FSTL4: variants seen among roughly 807,000 people sequenced by gnomAD.
FSTL4 encodes follistatin-related protein 4.
In FSTL4, 28 loss-of-function variants were observed where a neutral mutation model predicts 78.2. The ratio of observed to expected loss-of-function variants is 0.36; its 90% CI spans 0.27 to 0.49. FSTL4 has a LOEUF of 0.49. Among genes scored for constraint, FSTL4 ranks in the 20% least tolerant of loss-of-function variants. The probability of loss-of-function intolerance (pLI) is 0.98; values close to 1 mark genes in which losing one functional copy is unlikely to be tolerated. For missense variants in FSTL4, 922 were observed against 1,084.9 expected (o/e 0.85, Z 2.11); for synonymous variants, 422 against 440.5 (o/e 0.96, Z 0.53).
At chr5:133,234,987 C>G (rs1412860331) in intron 7 of FSTL4, among the ~76,000 whole-genome samples, 1 of 152,192 alleles carries the variant, frequency 6.6e-6, no homozygotes, top group Non-Finnish European at 1.5e-5. Flanking sequence ...TTCCCTGGCC[C>G]TTTCTGAGCT....
chr5:133,405,382 C>G (rs141615310), intron 3 of FSTL4, among the ~76,000 whole-genome samples: 2 of 152,258 alleles, frequency 1.3e-5, no homozygotes, highest in African/African-American at 4.8e-5. Context: ...TGGCCCAGTA[C>G]AGCAGCTGTC....
At chr5:133,804,979 G>A in the FSTL4 span, among the ~76,000 whole-genome samples, 3 of 148,078 alleles carry the variant, frequency 2.0e-5, no homozygotes, top group African/African-American at 5.0e-5. Flanking sequence ...TGCACATGTT[G>A]GGACCCTCTT....
intron 6 of FSTL4, among the ~76,000 whole-genome samples, chr5:133,280,814 C>T (rs1456096775): frequency 2.0e-5 from 3 of 152,234 alleles, no homozygotes; most frequent in African/African-American, 7.2e-5. Flanking sequence ...CCCTTGATTA[C>T]AGCAAGCGCC....
chr5:133,285,474 C>T lies in FSTL4; in HGVS notation c.727+27180G>A, dbSNP rs544281740. Among the ~76,000 whole-genome samples, 11 of 152,286 alleles carry T rather than the reference C, an allele frequency of 7.2e-5. No individual in the cohort carries two copies. In the East Asian group the frequency reaches 1.5e-3, roughly 21 times the overall value. On this transcript the variant is annotated intron_variant, in intron 6 of 15. Coordinates refer to ENST00000265342, the MANE Select transcript of FSTL4 (RefSeq NM_015082.2). ...CTCTCTGACTTGGGCAGGAAAGGTG[C>T]CCCATTCCCTTGGCCCTAAAATATT...
chr5:133,291,786 C>T (rs1430372822), intron 6 of FSTL4, among the ~76,000 whole-genome samples: 2 of 150,442 alleles, frequency 1.3e-5, no homozygotes, highest in Non-Finnish European at 3.0e-5. Flanking sequence ...AGGGTGTGGA[C>T]GGAGCACAGA....
At chr5:133,743,896 C>G in the FSTL4 span, among the ~76,000 whole-genome samples, 1 of 152,216 alleles carries the variant, frequency 6.6e-6, no homozygotes, top group African/African-American at 2.4e-5. Context: ...TGACCCCAGC[C>G]AGTCCAGTCA....
intron 6 of FSTL4, among the ~76,000 whole-genome samples, chr5:133,301,335 C>T (rs955184952): frequency 2.0e-5 from 3 of 152,128 alleles, no homozygotes; most frequent in Non-Finnish European, 2.9e-5. Flanking sequence ...TTTTGGAACT[C>T]GGAGGTCAGG....
chr5:133,823,500 G>A, the FSTL4 span, among the ~76,000 whole-genome samples: 1 of 152,064 alleles, frequency 6.6e-6, no homozygotes, highest in Non-Finnish European at 1.5e-5. Flanking sequence ...TCACACAGAG[G>A]GGAGATCTCA....
rs535917907 is a variant in FSTL4, at chr5:133,530,323, C to T, written c.160+36863G>A. ...GGAGCCGCAGAAATGCCTCCCCACTCATGCTGGAATTCAAGGTTACAGCAG... is the reference window on the plus strand; with the variant it reads ...GGAGCCGCAGAAATGCCTCCCCACTTATGCTGGAATTCAAGGTTACAGCAG... On this transcript the variant is annotated intron_variant, in intron 3 of 15. Transcript: ENST00000265342. Among the ~76,000 whole-genome samples, 16 of 152,358 alleles carry T rather than the reference C, an allele frequency of 1.1e-4. No homozygotes were observed. The South Asian group carries it at 3.3e-3, about 32-fold the overall frequency.
At chr5:133,419,069 C>A (rs747771575) in intron 3 of FSTL4, among the ~76,000 whole-genome samples, 1 of 152,174 alleles carries the variant, frequency 6.6e-6, no homozygotes, top group Admixed American at 6.5e-5. Flanking sequence ...TAGAATACAT[C>A]GATAGGTTTT....
chr5:133,214,933 C>T (rs2126778508), intron 13 of FSTL4, among the ~76,000 whole-genome samples: 1 of 152,308 alleles, frequency 6.6e-6, no homozygotes, highest in South Asian at 2.1e-4. Flanking sequence ...TACATTTACT[C>T]ACCTTTACAG....
chr5:133,372,139 T>C (rs1049296051), intron 4 of FSTL4, among the ~76,000 whole-genome samples: 14 of 152,186 alleles, frequency 9.2e-5, no homozygotes, highest in African/African-American at 3.4e-4. Flanking sequence ...GCCATCAGCT[T>C]TGGAGACAGT....
the FSTL4 span, among the ~76,000 whole-genome samples, chr5:133,713,943 C>G: frequency 1.3e-5 from 2 of 152,146 alleles, no homozygotes; most frequent in African/African-American, 4.8e-5. Context: ...GACGCTGAAC[C>G]CTTCTTACAG....
At chr5:133,694,862 G>A in the FSTL4 span, among the ~76,000 whole-genome samples, 2 of 152,186 alleles carry the variant, frequency 1.3e-5, no homozygotes, top group African/African-American at 2.4e-5. Flanking sequence ...AGAGCAGGAA[G>A]CAAGCTCCCT....
At chr5:133,365,530 C>T (rs1755166334) in intron 4 of FSTL4, among the ~76,000 whole-genome samples, 1 of 152,114 alleles carries the variant, frequency 6.6e-6, no homozygotes, top group Non-Finnish European at 1.5e-5. Context: ...AGCACCCCTG[C>T]TGCCCTGAAC....
chr5:133,362,128 C>T (rs75305809), intron 4 of FSTL4, among the ~76,000 whole-genome samples: 2,775 of 152,300 alleles, frequency 0.018, 93 homozygotes, highest in African/African-American at 0.064. Flanking sequence ...AGTGTTGTGG[C>T]ATATGAGTTG....
At chr5:133,362,412 T>C (rs78051491) in intron 4 of FSTL4, among the ~76,000 whole-genome samples, 3,088 of 152,328 alleles carry the variant, frequency 0.02, 112 homozygotes, top group African/African-American at 0.071. Flanking sequence ...GCACTGGATC[T>C]GAAAGAGTTG....
At chr5:133,687,125 G>T in the FSTL4 span, among the ~76,000 whole-genome samples, 1 of 152,200 alleles carries the variant, frequency 6.6e-6, no homozygotes, top group Non-Finnish European at 1.5e-5. Context: ...AGTGTCGGGG[G>T]AACTGGGACT....
chr5:133,495,937 T>C (rs1758359763), intron 3 of FSTL4, among the ~76,000 whole-genome samples: 1 of 152,160 alleles, frequency 6.6e-6, no homozygotes, highest in African/African-American at 2.4e-5. Context: ...AGTAAGAGCA[T>C]AAACGCAGGG....
Sources: gnomAD v4.1 joint callset for allele counts (sites outside exome capture counted in the v4.1 genomes callset) on GRCh38, gnomAD v4.1.1 for gene constraint, MANE v1.5 for transcripts, NCBI Gene and HGNC (gene_info 2026-07-23, HGNC 2026-07-21) for gene names.